Variants in SHISA9 observed in about 807,000 individuals in gnomAD.
SHISA9 encodes the protein protein shisa-9.
A neutral mutation model predicts 38.0 loss-of-function variants in SHISA9; 13 were observed. That is an observed-to-expected ratio of 0.34 (90% CI 0.22 to 0.54). SHISA9 has a LOEUF of 0.54. Among genes scored for constraint, SHISA9 ranks in the 20% least tolerant of loss-of-function variants. The pLI, the probability that SHISA9 is intolerant of heterozygous loss-of-function variation, is 0.91. For synonymous variants in SHISA9, 275 were observed against 242.0 expected (o/e 1.14, Z -1.27); for missense variants, 538 against 575.8 (o/e 0.93, Z 0.67).
the SHISA9 span, among the ~76,000 whole-genome samples, chr16:13,443,992 C>CTCCCAGGA: frequency 6.6e-6 from 1 of 152,234 alleles, no homozygotes; most frequent in South Asian, 2.1e-4. Context: ...GAATAGCCAT[C>CTCCCAGGA]TCCCAGGATC....
At chr16:13,106,886 GAA>G (rs1207253615) in intron 2 of SHISA9, among the ~76,000 whole-genome samples, 1 of 152,124 alleles carries the variant, frequency 6.6e-6, no homozygotes, top group Non-Finnish European at 1.5e-5. Context: ...AGAGGACAAA[GAA>G]AGAGAGAGTT....
Position 12,997,754 on chromosome 16 carries a change from C to T in SHISA9, c.691+80939C>T, listed in dbSNP as rs117020967. On this transcript the variant is annotated intron_variant, in intron 2 of 4. Coordinates refer to ENST00000558583, the MANE Select transcript of SHISA9 (RefSeq NM_001145204.3). Reference sequence around the variant, plus strand: ...CATCATCTGGACTCTGATTTCCCATCTGGCCTCACCACATGGTTTTTGCCA... The same window carrying T: ...CATCATCTGGACTCTGATTTCCCATTTGGCCTCACCACATGGTTTTTGCCA... Among the ~76,000 whole-genome samples the T allele has an allele frequency of 6.0e-3, 917 of 152,296 alleles. 7 individuals carry two copies. The highest frequency in any genetic ancestry group is 0.034 in the Middle Eastern group (10 of 294).
At chr16:12,954,106 T>G (rs2071797080) in intron 2 of SHISA9, among the ~76,000 whole-genome samples, 2 of 152,160 alleles carry the variant, frequency 1.3e-5, no homozygotes. Context: ...CGAGATGATT[T>G]AAGACTTGAA....
At chr16:12,927,770 T>C (rs2071410995) in intron 2 of SHISA9, among the ~76,000 whole-genome samples, 1 of 152,008 alleles carries the variant, frequency 6.6e-6, no homozygotes, top group Admixed American at 6.6e-5. Context: ...CCACCCCCCA[T>C]AGATCTGTCC....
chr16:13,216,056 A>C (rs1029659949), intron 4 of SHISA9, among the ~76,000 whole-genome samples: 6 of 152,020 alleles, frequency 3.9e-5, no homozygotes, highest in African/African-American at 1.4e-4. Context: ...GCGTGGTGGC[A>C]CGTGCCTGTA....
chr16:12,983,429 A>C (rs2072266202), intron 2 of SHISA9, among the ~76,000 whole-genome samples: 1 of 152,204 alleles, frequency 6.6e-6, no homozygotes. Flanking sequence ...CACTGCATCC[A>C]ACACATAGTA....
chr16:13,165,816 A>T (rs527694322), intron 2 of SHISA9, among the ~76,000 whole-genome samples: 3 of 152,208 alleles, frequency 2.0e-5, no homozygotes, highest in Admixed American at 2.0e-4. Flanking sequence ...TTTATCGAGC[A>T]CTTAAAAATG....
At chr16:13,311,569 A>C in the SHISA9 span, among the ~76,000 whole-genome samples, 4 of 152,180 alleles carry the variant, frequency 2.6e-5, no homozygotes, top group Admixed American at 2.6e-4. Flanking sequence ...TGTTGATTAC[A>C]CAGTGCTACT....
intron 4 of SHISA9, among the ~76,000 whole-genome samples, chr16:13,218,489 C>T (rs2051192281): frequency 6.6e-6 from 1 of 152,184 alleles, no homozygotes; most frequent in East Asian, 1.9e-4. Flanking sequence ...GTGATTTGAG[C>T]TGGGGCCACA....
At chr16:13,256,153 C>T in the SHISA9 span, among the ~76,000 whole-genome samples, 1 of 152,210 alleles carries the variant, frequency 6.6e-6, no homozygotes, top group African/African-American at 2.4e-5. Context: ...CCTACATCTG[C>T]TTAATCCTAA....
At chr16:13,433,354 G>T in the SHISA9 span, among the ~76,000 whole-genome samples, 1 of 152,200 alleles carries the variant, frequency 6.6e-6, no homozygotes, top group Non-Finnish European at 1.5e-5. Context: ...AGTATTAAAA[G>T]AGTTATTGTG....
intron 2 of SHISA9, among the ~76,000 whole-genome samples, chr16:12,984,610 C>T (rs564770805): frequency 4.3e-4 from 65 of 152,186 alleles, no homozygotes; most frequent in African/African-American, 1.5e-3. Flanking sequence ...TTTTTCTCCC[C>T]AGACAGGAGG....
In SHISA9 at chr16:13,082,426, C is replaced by T. The variant is rs536376225; in HGVS notation, c.692-120968C>T. Reference sequence around the variant, plus strand: ...TGGTGGGTCATCGTAGCTCTATGCTCTTTTCTTCTGGTCTGAAAACAGCTG... The same window carrying T: ...TGGTGGGTCATCGTAGCTCTATGCTTTTTTCTTCTGGTCTGAAAACAGCTG... On this transcript the variant is annotated intron_variant, in intron 2 of 4. Coordinates refer to ENST00000558583, the MANE Select transcript of SHISA9 (RefSeq NM_001145204.3). The T allele has an allele frequency of 3.5e-4, 54 of 152,288 alleles. 1 individual carries two copies. In the South Asian group the frequency reaches 4.1e-3, roughly 12 times the overall value. The allele number at this position is 152,288 out of a possible 1,614,324, so 9.4% of individuals were successfully genotyped here.
chr16:13,228,847 C>T (rs564615335), intron 4 of SHISA9, among the ~76,000 whole-genome samples: 2 of 152,268 alleles, frequency 1.3e-5, no homozygotes, highest in African/African-American at 4.8e-5. Context: ...TCTCCCTCTT[C>T]CCTCTCTCAT....
the SHISA9 span, among the ~76,000 whole-genome samples, chr16:13,267,221 A>G: frequency 0.04 from 6,025 of 152,294 alleles, 397 homozygotes; most frequent in African/African-American, 0.13. Flanking sequence ...AATCACTAAG[A>G]TCCTGAAAGC....
chr16:13,210,939 C>T (rs956617392), intron 3 of SHISA9, among the ~76,000 whole-genome samples: 1 of 152,296 alleles, frequency 6.6e-6, no homozygotes, highest in African/African-American at 2.4e-5. Flanking sequence ...CTGGGGAAGC[C>T]TATCCCCTGC....
chr16:13,289,636 G>T, the SHISA9 span, among the ~76,000 whole-genome samples: 1 of 152,106 alleles, frequency 6.6e-6, no homozygotes, highest in African/African-American at 2.4e-5. Flanking sequence ...GGTAGGGAGA[G>T]ACAGAGTGAG....
At chr16:13,056,577 A>T (rs1220455899) in intron 2 of SHISA9, among the ~76,000 whole-genome samples, 2 of 152,212 alleles carry the variant, frequency 1.3e-5, no homozygotes, top group Admixed American at 1.3e-4. Context: ...TTGGGTAATA[A>T]ATAGCATGAC....
intron 2 of SHISA9, among the ~76,000 whole-genome samples, chr16:12,934,347 T>C (rs1384906129): frequency 6.6e-6 from 1 of 152,218 alleles, no homozygotes; most frequent in African/African-American, 2.4e-5. Context: ...GGATGCTCCA[T>C]TGAACACTAG....
Sources: gnomAD v4.1 joint callset for allele counts (sites outside exome capture counted in the v4.1 genomes callset) on GRCh38, gnomAD v4.1.1 for gene constraint, MANE v1.5 for transcripts, NCBI Gene and HGNC (gene_info 2026-07-23, HGNC 2026-07-21) for gene names.